ZBTB20: variants seen among roughly 807,000 people sequenced by gnomAD.
ZBTB20 encodes the protein zinc finger and BTB domain-containing protein 20.
A neutral mutation model predicts 56.9 loss-of-function variants in ZBTB20; 9 were observed. The observed-to-expected ratio is 0.16, with a 90% CI of 0.10 to 0.28. The LOEUF is 0.28. ZBTB20 is among the 10% of genes least tolerant of loss of function. The pLI, the probability that ZBTB20 is intolerant of heterozygous loss-of-function variation, is 1.00. For missense variants in ZBTB20, 655 were observed against 1,003.0 expected, an observed-to-expected ratio of 0.65 and a Z score of 4.69; for synonymous variants, 417 against 420.7, an observed-to-expected ratio of 0.99 and a Z score of 0.11.
chr3:114,668,232 T>C (rs2061166647), intron 6 of ZBTB20, among the ~76,000 whole-genome samples: 1 of 152,040 alleles, frequency 6.6e-6, no homozygotes, highest in African/African-American at 2.4e-5. Flanking sequence ...TGTGGAGTAC[T>C]GCCTGATTTG....
intron 2 of ZBTB20, among the ~76,000 whole-genome samples, chr3:115,030,313 T>C (rs1330014999): frequency 2.0e-5 from 3 of 151,104 alleles, no homozygotes; most frequent in African/African-American, 7.3e-5. Flanking sequence ...AAGTCTTCTT[T>C]GAATTATCAG....
At chr3:115,099,706 T>C (rs2083508387) in intron 1 of ZBTB20, among the ~76,000 whole-genome samples, 1 of 152,164 alleles carries the variant, frequency 6.6e-6, no homozygotes, top group Non-Finnish European at 1.5e-5. Flanking sequence ...AGAGTCTCAC[T>C]TTAGTAATAC....
At chr3:114,663,414 G>A (rs1462578016) in intron 6 of ZBTB20, among the ~76,000 whole-genome samples, 9 of 147,304 alleles carry the variant, frequency 6.1e-5, no homozygotes, top group African/African-American at 2.0e-4. Context: ...GGAACAACCG[G>A]TACCAGCCGC....
intron 7 of ZBTB20, among the ~76,000 whole-genome samples, chr3:114,415,031 T>G (rs1424928934): frequency 6.7e-6 from 1 of 148,922 alleles, no homozygotes; most frequent in African/African-American, 2.4e-5. Flanking sequence ...AAATGTTCCC[T>G]TGGCTAGGGA....
intron 1 of ZBTB20, among the ~76,000 whole-genome samples, chr3:115,081,811 A>T (rs2082805844): frequency 6.6e-6 from 1 of 152,158 alleles, no homozygotes; most frequent in Admixed American, 6.6e-5. Flanking sequence ...ATGAATAAAA[A>T]TATTGGTAGT....
intron 2 of ZBTB20, among the ~76,000 whole-genome samples, chr3:115,013,443 A>C (rs1386590072): frequency 6.6e-6 from 1 of 151,708 alleles, no homozygotes; most frequent in African/African-American, 2.4e-5. Flanking sequence ...AGAAATGGAT[A>C]AATTGCTAGA....
intron 4 of ZBTB20, among the ~76,000 whole-genome samples, chr3:114,802,380 T>C (rs1290998520): frequency 1.3e-5 from 2 of 151,902 alleles, no homozygotes; most frequent in East Asian, 1.9e-4. Context: ...TTGAAATGTA[T>C]AGAGGAATAT....
chr3:114,614,683 C>T (rs2057793597), intron 6 of ZBTB20, among the ~76,000 whole-genome samples: 1 of 152,112 alleles, frequency 6.6e-6, no homozygotes, highest in Non-Finnish European at 1.5e-5. Context: ...ACATAAGTAG[C>T]ATAATGACTG....
chr3:115,132,859 ATAAAT>A (rs952006448), intron 1 of ZBTB20, among the ~76,000 whole-genome samples: 6 of 152,184 alleles, frequency 3.9e-5, no homozygotes, highest in African/African-American at 1.4e-4. Flanking sequence ...TGATGATGTA[ATAAAT>A]TAAATTGGTA....
At chr3:114,628,133 G>A (rs190006467) in intron 6 of ZBTB20, among the ~76,000 whole-genome samples, 9 of 151,990 alleles carry the variant, frequency 5.9e-5, no homozygotes, top group Admixed American at 3.9e-4. Flanking sequence ...TCTCCCTTTG[G>A]CATCAACTGC....
chr3:114,544,379 C>T (rs1419389017), intron 6 of ZBTB20, among the ~76,000 whole-genome samples: 1 of 151,912 alleles, frequency 6.6e-6, no homozygotes, highest in Non-Finnish European at 1.5e-5. Flanking sequence ...AATAAAATTA[C>T]CTGTAGCACT....
intron 7 of ZBTB20, among the ~76,000 whole-genome samples, chr3:114,421,081 T>C (rs2089122567): frequency 6.6e-6 from 1 of 152,154 alleles, no homozygotes; most frequent in Non-Finnish European, 1.5e-5. Context: ...CCAGGGAACT[T>C]GTGGGTTTTG....
At chr3:114,959,070 C>G (rs1576426003) in intron 3 of ZBTB20, among the ~76,000 whole-genome samples, 2 of 152,240 alleles carry the variant, frequency 1.3e-5, no homozygotes, top group East Asian at 3.9e-4. Context: ...AATGTCTCAA[C>G]TACTTTCCTT....
At chr3:114,767,292 A>G (rs1457326291) in intron 5 of ZBTB20, among the ~76,000 whole-genome samples, 2 of 152,064 alleles carry the variant, frequency 1.3e-5, no homozygotes, top group Non-Finnish European at 2.9e-5. Context: ...TGGATTTTCT[A>G]TTACAGAAAT....
intron 2 of ZBTB20, among the ~76,000 whole-genome samples, chr3:115,040,912 A>C (rs2081115243): frequency 6.6e-6 from 1 of 152,116 alleles, no homozygotes; most frequent in African/African-American, 2.4e-5. Flanking sequence ...TCATAATATC[A>C]GTTACTATTT....
chr3:114,339,368 A>G lies in ZBTB20; in HGVS notation c.1863T>C (p.Leu621=). The change falls in exon 12 of 12, where the codon CTT becomes CTC. Residue 621 remains leucine, a synonymous_variant. Coordinates refer to ENST00000675478, the MANE Select transcript of ZBTB20 (RefSeq NM_001348800.3). This position sits in a 1 kb window ranked among gnomAD's most constrained non-coding sequence, Gnocchi z 4.2. ...CTGTGTGTGTCACCATGTGCTTGAT[A>G]AGGTAATCCTTTAAGGAGAAGGAGC... is the stretch of plus-strand genomic sequence containing the variant. ...CWRSFSLKDY[L]IKHMVTHTGV... is the part of the protein sequence containing the mutation. 2 of 1,614,094 alleles carry G rather than the reference A, an allele frequency of 1.2e-6. No homozygotes were observed. Among genetic ancestry groups the G allele is most frequent in the African/African-American group, 1.3e-5 (1 of 75,032 alleles).
In ZBTB20 at chr3:114,532,027, G is replaced by A. The variant is rs192773026; in HGVS notation, c.-294-31636C>T. 3.1e-3 allele frequency among the ~76,000 whole-genome samples: 467 copies of A among 152,286 alleles called. 1 individual carries two copies. Among genetic ancestry groups the A allele is most frequent in the African/African-American group, 0.01 (434 of 41,548 alleles). Reference sequence around the variant, plus strand: ...AGATTCCCTTGGGTGCCTACACCACGAGGGCCCTGGGTTTCAAGACAAAAC... The same window carrying A: ...AGATTCCCTTGGGTGCCTACACCACAAGGGCCCTGGGTTTCAAGACAAAAC... On this transcript the variant is annotated intron_variant, in intron 6 of 11. Coordinates refer to ENST00000675478, the MANE Select transcript of ZBTB20 (RefSeq NM_001348800.3).
At chr3:114,676,823 G>A (rs1265161030) in intron 6 of ZBTB20, among the ~76,000 whole-genome samples, 1 of 144,128 alleles carries the variant, frequency 6.9e-6, no homozygotes, top group Non-Finnish European at 1.5e-5. Flanking sequence ...TCGCCAGGCT[G>A]GAGTGCAGTG....
chr3:114,993,483 G>A (rs1238169581), intron 2 of ZBTB20, among the ~76,000 whole-genome samples: 1 of 151,740 alleles, frequency 6.6e-6, no homozygotes, highest in Non-Finnish European at 1.5e-5. Flanking sequence ...TCCAACTAAT[G>A]TGTAATATTT....
Sources: gnomAD v4.1 joint callset for allele counts (sites outside exome capture counted in the v4.1 genomes callset) on GRCh38, gnomAD v4.1.1 for gene constraint, Gnocchi (gnomAD v3.1) non-coding constraint, MANE v1.5 for transcripts, NCBI Gene and HGNC (gene_info 2026-07-23, HGNC 2026-07-21) for gene names.